Variants in GMNN observed in about 807,000 individuals in gnomAD.
The protein encoded by GMNN is geminin.
In GMNN, 14 loss-of-function variants were observed where a neutral mutation model predicts 20.9. The ratio of observed to expected loss-of-function variants is 0.67; its 90% CI spans 0.44 to 1.05. GMNN has a LOEUF of 1.05. GMNN is among the 50% of genes least tolerant of loss of function. The pLI is 0.00. For synonymous variants in GMNN, 81 were observed against 85.8 expected, an observed-to-expected ratio of 0.94 and a Z score of 0.31; for missense variants, 227 against 243.8, an observed-to-expected ratio of 0.93 and a Z score of 0.46.
In GMNN at chr6:24,777,265, C is replaced by A; in HGVS notation, c.19C>A (p.Gln7Lys). 1 of 1,415,038 alleles carries A rather than the reference C, an allele frequency of 7.1e-7. No individual in the cohort carries two copies. Among genetic ancestry groups the A allele is most frequent in the Non-Finnish European group, 9.7e-7 (1 of 1,027,828 alleles). The allele number at this position is 1,415,038 out of a possible 1,614,324, so 87.7% of individuals were successfully genotyped here. MNPSMK[Q>K]KQEEIKENIK... ...CTACATAATGAATCCCAGTATGAAGCAGAAACAAGAAGAAATCAAAGAGAA... is the reference window on the plus strand; with the variant it reads ...CTACATAATGAATCCCAGTATGAAGAAGAAACAAGAAGAAATCAAAGAGAA... The change falls in exon 2 of 7, where the codon CAG becomes AAG. Residue 7 changes from glutamine (Q) to lysine (K), a missense_variant. Coordinates refer to ENST00000230056, the MANE Select transcript of GMNN (RefSeq NM_015895.5).
chr6:24,779,675 T>G (rs1371979791), intron 2 of GMNN, among the ~76,000 whole-genome samples: 1 of 152,240 alleles, frequency 6.6e-6, no homozygotes, highest in East Asian at 1.9e-4. Flanking sequence ...TATGGTATCA[T>G]GTTCTTGCTA....
chr6:24,776,290 G>C (rs1780067701), intron 1 of GMNN, among the ~76,000 whole-genome samples: 1 of 152,080 alleles, frequency 6.6e-6, no homozygotes, highest in Non-Finnish European at 1.5e-5. Context: ...TAGAGATGGA[G>C]TTTCACCATA....
At chr6:24,784,247 A>G (rs961286225) in intron 5 of GMNN, 78 bp downstream of exon 5, 4 of 813,266 alleles carry the variant, frequency 4.9e-6, no homozygotes, top group South Asian at 1.5e-5. Context: ...TATTAGAGCA[A>G]TATGGGCTAG....
At chr6:24,777,155 A>G in intron 1 of GMNN, 67 bp from the exon 2 acceptor site, 1 of 550,756 alleles carries the variant, frequency 1.8e-6, no homozygotes, top group Non-Finnish European at 3.3e-6. Context: ...AATTTTTATG[A>G]TTGTAAGTAT....
At chr6:24,782,540 A>G (rs945840931) in intron 4 of GMNN, among the ~76,000 whole-genome samples, 4 of 152,218 alleles carry the variant, frequency 2.6e-5, no homozygotes, top group African/African-American at 9.6e-5. Flanking sequence ...AAGAAGAGAA[A>G]TAGATGGTAG....
intron 1 of GMNN, chr6:24,775,772 AAACTTGTGAAGGATTAGAATGCT>A (rs1780050422): frequency 6.6e-6 from 1 of 152,292 alleles, no homozygotes; most frequent in Non-Finnish European, 1.5e-5. Flanking sequence ...CAGGCGTGGG[AAACTTGTGAAGGATTAGAATGCT>A]AAGTGGCTTT....
chr6:24,778,014 C>T (rs944959476), intron 2 of GMNN, among the ~76,000 whole-genome samples: 4 of 152,134 alleles, frequency 2.6e-5, no homozygotes, highest in African/African-American at 9.7e-5. Context: ...CACTGGAAAT[C>T]TTATTCCAAG....
At chr6:24,777,338 A>AT in intron 2 of GMNN, 41 bp downstream of exon 2, 1 of 746,200 alleles carries the variant, frequency 1.3e-6, no homozygotes, top group African/African-American at 1.8e-5. Flanking sequence ...TGTAGAAAGC[A>AT]TGGGGCTAAA....
intron 4 of GMNN, among the ~76,000 whole-genome samples, chr6:24,782,082 C>T (rs758292259): frequency 2.0e-5 from 3 of 151,020 alleles, no homozygotes; most frequent in Non-Finnish European, 2.9e-5. Context: ...AAGACCCGGT[C>T]TCTGAAGGAA....
At chr6:24,784,220 T>C in intron 5 of GMNN, 51 bp downstream of exon 5, 1 of 963,994 alleles carries the variant, frequency 1.0e-6, no homozygotes, top group East Asian at 2.4e-5. Context: ...AGGATTGTTT[T>C]GCTGCTTAGC....
intron 1 of GMNN, chr6:24,775,649 G>A (rs1050432111): frequency 3.3e-5 from 5 of 152,250 alleles, no homozygotes; most frequent in African/African-American, 4.8e-5. Flanking sequence ...CCCATTAAAC[G>A]GATACTGGCG....
At chr6:24,778,100 T>C (rs1257745948) in intron 2 of GMNN, among the ~76,000 whole-genome samples, 1 of 152,212 alleles carries the variant, frequency 6.6e-6, no homozygotes, top group Non-Finnish European at 1.5e-5. Flanking sequence ...ATATTTATGG[T>C]TCTAAGTTAA....
At chr6:24,781,058 C>T (rs1780201558) in intron 3 of GMNN, among the ~76,000 whole-genome samples, 1 of 151,956 alleles carries the variant, frequency 6.6e-6, no homozygotes, top group Non-Finnish European at 1.5e-5. Flanking sequence ...AAAAAATTAG[C>T]CGGGCGTGGT....
At chr6:24,777,502 T>C (rs1780104643) in intron 2 of GMNN, 2 of 339,602 alleles carry the variant, frequency 5.9e-6, no homozygotes, top group Non-Finnish European at 1.1e-5. Flanking sequence ...GTCTCTCTTA[T>C]TTTGGTCTTT....
intron 4 of GMNN, among the ~76,000 whole-genome samples, chr6:24,781,825 C>T (rs1447732390): frequency 6.6e-6 from 1 of 152,152 alleles, no homozygotes; most frequent in Non-Finnish European, 1.5e-5. Flanking sequence ...CAGTGGCTCA[C>T]ACCTGTAATC....
intron 1 of GMNN, among the ~76,000 whole-genome samples, chr6:24,776,608 G>A (rs1780078013): frequency 6.6e-6 from 1 of 152,172 alleles, no homozygotes; most frequent in South Asian, 2.1e-4. Context: ...ATGGGTAGTG[G>A]GCAGTGGGCA....
chr6:24,781,017 G>A (rs1310153473), intron 3 of GMNN, among the ~76,000 whole-genome samples: 5 of 151,948 alleles, frequency 3.3e-5, no homozygotes, highest in Non-Finnish European at 7.4e-5. Context: ...CCTGGCCAAC[G>A]TGGTGAAACC....
chr6:24,784,173 T>C lies in GMNN; in HGVS notation c.357+4T>C, dbSNP rs1780290046. Reference sequence around the variant, plus strand: ...AGCACTTAAGGAAAATGAGAAAGTATGTATTGAGTATAATTTGTACCATTT... The same window carrying C: ...AGCACTTAAGGAAAATGAGAAAGTACGTATTGAGTATAATTTGTACCATTT... On this transcript the variant is annotated splice_donor_region_variant and intron_variant, in intron 5 of 6. Transcript: ENST00000230056. The C allele has an allele frequency of 7.3e-7, 1 of 1,374,178 alleles. No homozygotes were observed. Among genetic ancestry groups the C allele is most frequent in the African/African-American group, 1.4e-5 (1 of 70,296 alleles). The allele number at this position is 1,374,178 out of a possible 1,614,324, so 85.1% of individuals were successfully genotyped here. A position where few individuals can be genotyped will look rare whatever the true frequency, so the allele number is the denominator to read the frequency against.
chr6:24,781,408 A>G (rs1369905466), intron 3 of GMNN, 69 bp from the exon 4 acceptor site: 2 of 1,052,032 alleles, frequency 1.9e-6, no homozygotes, highest in Admixed American at 4.1e-5. Context: ...TAATACATAA[A>G]TGAAAAACCA....
Sources: allele counts gnomAD v4.1 joint callset (sites outside exome capture counted in the v4.1 genomes callset), GRCh38; gene constraint gnomAD v4.1.1; transcripts MANE v1.5; gene names NCBI Gene and HGNC (gene_info 2026-07-23, HGNC 2026-07-21).